Variants in NFATC3 observed in about 807,000 individuals in gnomAD.
NFATC3 encodes nuclear factor of activated T cells 3.
In NFATC3, 46 loss-of-function variants were observed where a neutral mutation model predicts 98.6. That is an observed-to-expected ratio of 0.47 (90% confidence interval 0.37 to 0.60). The LOEUF (loss-of-function observed/expected upper bound fraction) is 0.60. Ranked by LOEUF, NFATC3 falls within the 20% of genes least tolerant of loss-of-function variation. NFATC3 has a pLI of 0.00. For missense variants in NFATC3, 1,256 were observed against 1,295.5 expected (o/e 0.97, Z 0.47); for synonymous variants, 512 against 472.2 (o/e 1.08, Z -1.09).
At chr16:68,145,109 C>T (rs1243402383) in intron 3 of NFATC3, among the ~76,000 whole-genome samples, 20 of 151,390 alleles carry the variant, frequency 1.3e-4, no homozygotes, top group Admixed American at 1.2e-3. Context: ...CCTGGCCTAA[C>T]AACCAACTTT....
chr16:68,185,351 T>C (rs2040140717), intron 8 of NFATC3, among the ~76,000 whole-genome samples: 1 of 152,128 alleles, frequency 6.6e-6, no homozygotes, highest in Admixed American at 6.6e-5. Context: ...GCTGTTAAAC[T>C]TTCTTAAGTA....
chr16:68,129,221 C>T (rs2036996309), intron 3 of NFATC3, among the ~76,000 whole-genome samples: 1 of 152,126 alleles, frequency 6.6e-6, no homozygotes, highest in Non-Finnish European at 1.5e-5. Context: ...GCTATGATCA[C>T]ACCACTGCAC....
At chr16:68,088,046 A>G (rs907580980) in intron 1 of NFATC3, among the ~76,000 whole-genome samples, 1 of 152,142 alleles carries the variant, frequency 6.6e-6, no homozygotes, top group Non-Finnish European at 1.5e-5. Flanking sequence ...ATAAGTTTTC[A>G]TTTTACTAAG....
At chr16:68,117,638 G>A (rs948782660) in intron 1 of NFATC3, among the ~76,000 whole-genome samples, 5 of 152,286 alleles carry the variant, frequency 3.3e-5, no homozygotes, top group South Asian at 2.1e-4. Context: ...CTCTCAGGTA[G>A]CTGGGACTAC....
At chr16:68,164,106 G>A (rs1291616968) in intron 4 of NFATC3, among the ~76,000 whole-genome samples, 1 of 152,138 alleles carries the variant, frequency 6.6e-6, no homozygotes, top group Non-Finnish European at 1.5e-5. Context: ...CTCCAGCCTA[G>A]GCACCATTGA....
chr16:68,096,850 A>C (rs1464526785), intron 1 of NFATC3, among the ~76,000 whole-genome samples: 10 of 152,234 alleles, frequency 6.6e-5, no homozygotes, highest in Non-Finnish European at 4.4e-5. Context: ...ACAGACTATT[A>C]TACTGTATTG....
chr16:68,096,712 G>A (rs1278042600), intron 1 of NFATC3, among the ~76,000 whole-genome samples: 2 of 152,166 alleles, frequency 1.3e-5, no homozygotes, highest in Non-Finnish European at 2.9e-5. Context: ...TCACCAGGTG[G>A]CTAAGGGAGG....
chr16:68,186,994 C>T (rs1282486284), intron 8 of NFATC3, among the ~76,000 whole-genome samples: 1 of 152,252 alleles, frequency 6.6e-6, no homozygotes, highest in Non-Finnish European at 1.5e-5. Context: ...GGCCACTTGG[C>T]CTGGCAAGCT....
intron 9 of NFATC3, among the ~76,000 whole-genome samples, chr16:68,218,868 G>T (rs553262911): frequency 6.6e-6 from 1 of 150,656 alleles, no homozygotes. Context: ...CACCACGCCC[G>T]GCCTAGATGG....
intron 5 of NFATC3, among the ~76,000 whole-genome samples, chr16:68,167,630 A>G (rs748738895): frequency 1.3e-5 from 2 of 152,064 alleles, no homozygotes; most frequent in Admixed American, 6.6e-5. Context: ...TCTTTAGGAC[A>G]TAATTTAGAA....
chr16:68,199,215 ATTT>A (rs1161857692), intron 9 of NFATC3, among the ~76,000 whole-genome samples: 1 of 146,444 alleles, frequency 6.8e-6, no homozygotes, highest in African/African-American at 2.6e-5. Flanking sequence ...GACCCTGTTT[ATTT>A]TTTTTTTATT....
chr16:68,104,653 G>GTTTTTTTTT (rs778016298), intron 1 of NFATC3, among the ~76,000 whole-genome samples: 7 of 126,694 alleles, frequency 5.5e-5, no homozygotes, highest in South Asian at 2.4e-4. Context: ...TTCACAAATG[G>GTTTTTTTTT]TTTTTTTTTT....
rs186423426 is a variant in NFATC3 at position 68,227,106 on chromosome 16, C to G, written c.*635C>G. 6 of 152,240 alleles carry G rather than the reference C, an allele frequency of 3.9e-5. No individual in the cohort carries two copies. Among genetic ancestry groups the G allele is most frequent in the Non-Finnish European group, 8.8e-5 (6 of 68,016 alleles). 9.4% of individuals were successfully genotyped at this position (152,240 alleles called of 1,614,324 possible). On this transcript the variant is annotated 3_prime_UTR_variant, in exon 10 of 10. Transcript: ENST00000346183. ...ATAAAATGAGAAGAGACCATTCCAT[C>G]ATTGAAGTGTTGGAATATAAAAAGA...
At chr16:68,198,028 G>T (rs1243910366) in intron 9 of NFATC3, among the ~76,000 whole-genome samples, 1 of 152,038 alleles carries the variant, frequency 6.6e-6, no homozygotes, top group Non-Finnish European at 1.5e-5. Flanking sequence ...TCAGAATTTC[G>T]GGAGTTATAG....
intron 1 of NFATC3, among the ~76,000 whole-genome samples, chr16:68,116,953 G>C (rs2036309760): frequency 6.6e-6 from 1 of 152,170 alleles, no homozygotes; most frequent in African/African-American, 2.4e-5. Flanking sequence ...ATGACTTCAA[G>C]GTGCTATATA....
At chr16:68,087,486 GTTTTA>G (rs1211559137) in intron 1 of NFATC3, among the ~76,000 whole-genome samples, 1 of 152,136 alleles carries the variant, frequency 6.6e-6, no homozygotes, top group Admixed American at 6.5e-5. Flanking sequence ...AACATCAGCA[GTTTTA>G]TTTGTCACAT....
intron 6 of NFATC3, among the ~76,000 whole-genome samples, chr16:68,176,281 C>G (rs1386822124): frequency 1.3e-5 from 2 of 152,080 alleles, no homozygotes; most frequent in African/African-American, 4.8e-5. Flanking sequence ...CGGCTGTAAC[C>G]CTTGCTTTTC....
intron 9 of NFATC3, among the ~76,000 whole-genome samples, chr16:68,215,791 G>A (rs1216218381): frequency 6.8e-6 from 1 of 146,164 alleles, no homozygotes; most frequent in Non-Finnish European, 1.5e-5. Flanking sequence ...GCAGTGGTGC[G>A]ATCTCCGCTC....
intron 3 of NFATC3, 43 bp downstream of exon 3, chr16:68,126,653 A>G: frequency 6.3e-7 from 1 of 1,595,558 alleles, no homozygotes; most frequent in Non-Finnish European, 8.6e-7. Flanking sequence ...CCATACACCT[A>G]GTGATGATTA....
Sources: allele counts gnomAD v4.1 joint callset (sites outside exome capture counted in the v4.1 genomes callset), GRCh38; gene constraint gnomAD v4.1.1; transcripts MANE v1.5; gene names NCBI Gene and HGNC (gene_info 2026-07-23, HGNC 2026-07-21).